ZNF701: variants seen among roughly 807,000 people sequenced by gnomAD.
The protein encoded by ZNF701 is zinc finger protein 701.
In ZNF701, 6 loss-of-function variants were observed where a neutral mutation model predicts 7.1. That is an observed-to-expected ratio of 0.84 (90% CI 0.46 to 1.66). The LOEUF is 1.66. Among genes scored for constraint, ZNF701 ranks in the 40% most tolerant of loss-of-function variants. ZNF701 has a pLI of 0.01. For synonymous variants in ZNF701, 166 were observed against 188.2 expected (o/e 0.88, Z 0.97); for missense variants, 541 against 559.2 (o/e 0.97, Z 0.33).
Position 52,576,067 on chromosome 19 carries a change from C to A in ZNF701, c.142+46C>A, listed in dbSNP as rs763305672. ...GAAGTGGGGATGTGCCCTTGTGGAT[C>A]TTTGTATTTTCTCTTGTTGCCTCTT... On this transcript the variant is annotated intron_variant, in intron 3 of 3. Transcript: ENST00000391785. 5.0e-6 allele frequency: 8 copies of A among 1,606,202 alleles called. No homozygotes were observed. In the South Asian group the frequency reaches 8.9e-5, roughly 18 times the overall value.
intron 3 of ZNF701, among the ~76,000 whole-genome samples, chr19:52,576,479 T>C (rs2059935081): frequency 6.6e-6 from 1 of 151,940 alleles, no homozygotes; most frequent in African/African-American, 2.4e-5. Flanking sequence ...AGGCCAAGGT[T>C]CCAGTGACTG....
At chr19:52,574,953 T>TAA (rs34976519) in intron 2 of ZNF701, among the ~76,000 whole-genome samples, 1 of 151,822 alleles carries the variant, frequency 6.6e-6, no homozygotes, top group Non-Finnish European at 1.5e-5. Context: ...AATTTGCATA[T>TAA]ATATATATAT....
the ZNF701 span, chr19:52,595,886 G>T: frequency 6.2e-7 from 1 of 1,612,990 alleles, no homozygotes. Flanking sequence ...GCCTATTAAA[G>T]ATCAGCTTGG....
chr19:52,592,297 T>C, the ZNF701 span: 1 of 1,442,518 alleles, frequency 6.9e-7, no homozygotes, highest in Non-Finnish European at 9.5e-7. Flanking sequence ...TGGTTTTGTA[T>C]TCTCTTTTGT....
downstream of ZNF701, among the ~76,000 whole-genome samples, chr19:52,591,842 C>T (rs931361767): frequency 1.3e-5 from 2 of 152,180 alleles, no homozygotes; most frequent in African/African-American, 4.8e-5. Context: ...AGGCCTGAGG[C>T]ACTGCACCTG....
chr19:52,571,470 A>C (rs1466311907), intron 1 of ZNF701, among the ~76,000 whole-genome samples: 1 of 152,150 alleles, frequency 6.6e-6, no homozygotes, highest in Non-Finnish European at 1.5e-5. Flanking sequence ...CGATCGAAGA[A>C]TTGGGGAGAA....
chr19:52,597,438 T>A, the ZNF701 span: 1 of 477,154 alleles, frequency 2.1e-6, no homozygotes. Context: ...ATACAGTGAC[T>A]ATAGAAGATC....
At chr19:52,581,351 C>G (rs933545242) in intron 3 of ZNF701, among the ~76,000 whole-genome samples, 52 of 152,076 alleles carry the variant, frequency 3.4e-4, no homozygotes, top group Admixed American at 6.6e-5. Flanking sequence ...TCCCAAGTAG[C>G]TTGGATTACA....
chr19:52,575,996 G>C lies in ZNF701; in HGVS notation c.117G>C (p.Glu39Asp), dbSNP rs2059931773. Residue 39 changes from glutamate (E) to aspartate (D), a missense_variant, in exon 3 of 4, where the codon GAG becomes GAC. Physicochemically the swap from Glu to Asp is conservative, Grantham distance 45. Transcript: ENST00000391785. Reference protein sequence around the residue: ...QRTLYRDVMLENYRNLVSLDT... With the variant: ...QRTLYRDVMLDNYRNLVSLDT... Reference sequence around the variant, plus strand: ...CTCTATACAGAGACGTGATGCTGGAGAATTATAGGAACCTGGTCTCCCTGG... The same window carrying C: ...CTCTATACAGAGACGTGATGCTGGACAATTATAGGAACCTGGTCTCCCTGG... 1 of 1,581,764 alleles carries C rather than the reference G, an allele frequency of 6.3e-7. No homozygotes were observed. Among genetic ancestry groups the C allele is most frequent in the Non-Finnish European group, 8.5e-7 (1 of 1,171,092 alleles).
intron 2 of ZNF701, among the ~76,000 whole-genome samples, chr19:52,575,191 G>A (rs1306986598): frequency 6.6e-6 from 1 of 151,966 alleles, no homozygotes; most frequent in Non-Finnish European, 1.5e-5. Flanking sequence ...GGATGGTCTC[G>A]ATCTCCTGAC....
chr19:52,580,313 G>T (rs1264667718), intron 3 of ZNF701, among the ~76,000 whole-genome samples: 1 of 152,094 alleles, frequency 6.6e-6, no homozygotes, highest in African/African-American at 2.4e-5. Context: ...TATATATACA[G>T]TGTTTTTTCA....
rs62117249 is a variant in ZNF701, at chr19:52,583,701, C to T, written c.*244C>T. 0.17 allele frequency: 143,097 copies of T among 855,542 alleles called. 12,952 individuals are homozygous for T. The highest frequency in any genetic ancestry group is 0.24 in the Middle Eastern group (1,075 of 4,464). 53.0% of individuals were successfully genotyped at this position (855,542 alleles called of 1,614,324 possible). The stretch of plus-strand genomic sequence containing the variant: ...TACTGGAATTCACACTGGAAAGGAA[C>T]TGTACAAGTGTAATGAGTGTGGCAG... On this transcript the variant is annotated 3_prime_UTR_variant, in exon 4 of 4. Transcript: ENST00000391785.
At chr19:52,574,783 C>A (rs535764748) in intron 2 of ZNF701, among the ~76,000 whole-genome samples, 26 of 152,156 alleles carry the variant, frequency 1.7e-4, no homozygotes, top group African/African-American at 6.3e-4. Flanking sequence ...CCATTCTTAG[C>A]AAATTAAGCT....
chr19:52,578,645 G>A (rs562006723), intron 3 of ZNF701, among the ~76,000 whole-genome samples: 6 of 152,220 alleles, frequency 3.9e-5, no homozygotes, highest in African/African-American at 1.2e-4. Context: ...GGCGTGAGCC[G>A]CCAAGCTCAA....
At chr19:52,571,844 A>G (rs2059902441) in intron 1 of ZNF701, among the ~76,000 whole-genome samples, 1 of 150,720 alleles carries the variant, frequency 6.6e-6, no homozygotes, top group South Asian at 2.1e-4. Context: ...TTTTTTTGAG[A>G]CGGAGTTTCG....
At chr19:52,580,517 G>A (rs2059968848) in intron 3 of ZNF701, among the ~76,000 whole-genome samples, 1 of 152,132 alleles carries the variant, frequency 6.6e-6, no homozygotes, top group Non-Finnish European at 1.5e-5. Context: ...GTGCCACCGT[G>A]CCCGGACATT....
chr19:52,581,742 C>T (rs2059977028), intron 3 of ZNF701, among the ~76,000 whole-genome samples: 1 of 152,164 alleles, frequency 6.6e-6, no homozygotes, highest in Admixed American at 6.5e-5. Flanking sequence ...ACAGAAATTC[C>T]ATTGATTTTG....
rs562312767 is a variant in ZNF701 at position 52,586,105 on chromosome 19, G to C, written c.*2648G>C. The C allele has an allele frequency of 6.6e-6, 1 of 152,188 alleles. No homozygotes were observed. The highest frequency in any genetic ancestry group is 2.1e-4 in the South Asian group (1 of 4,808). The allele number at this position is 152,188 out of a possible 1,614,324, so 9.4% of individuals were successfully genotyped here. A position where few individuals can be genotyped will look rare whatever the true frequency, so the allele number is the denominator to read the frequency against. ...TGCGCAGGCCGAAGAGCGGTGACCG[G>C]ATCACAGCTCACTGCAGCTTCAACC... is the stretch of plus-strand genomic sequence containing the variant. On this transcript the variant is annotated 3_prime_UTR_variant, in exon 4 of 4. Coordinates refer to ENST00000391785, the MANE Select transcript of ZNF701 (RefSeq NM_018260.3).
rs960903812 is a variant in ZNF701 at position 52,584,851 on chromosome 19, C to T, written c.*1394C>T. Reference sequence around the variant, plus strand: ...CCCCGCCCACCTCTTCGCCTCCCGTCTGGCCTGACCCAGGCCCCGCCCACC... The same window carrying T: ...CCCCGCCCACCTCTTCGCCTCCCGTTTGGCCTGACCCAGGCCCCGCCCACC... On this transcript the variant is annotated 3_prime_UTR_variant, in exon 4 of 4. Coordinates refer to ENST00000391785, the MANE Select transcript of ZNF701 (RefSeq NM_018260.3). 1 of 152,290 alleles carries T rather than the reference C, an allele frequency of 6.6e-6. No individual in the cohort carries two copies. Among genetic ancestry groups the T allele is most frequent in the African/African-American group, 2.4e-5 (1 of 41,456 alleles). The allele number at this position is 152,290 out of a possible 1,614,324, so 9.4% of individuals were successfully genotyped here. A position where few individuals can be genotyped will look rare whatever the true frequency, so the allele number is the denominator to read the frequency against.
Sources: allele counts gnomAD v4.1 joint callset (sites outside exome capture counted in the v4.1 genomes callset), GRCh38; gene constraint gnomAD v4.1.1; transcripts MANE v1.5; gene names NCBI Gene and HGNC (gene_info 2026-07-23, HGNC 2026-07-21).